SLC12A1: variants seen among roughly 807,000 people sequenced by gnomAD.
The protein encoded by SLC12A1 is Na-K-2Cl cotransporter.
Under a neutral mutation model 130.4 loss-of-function variants are expected in SLC12A1, and 89 were observed. The ratio of observed to expected loss-of-function variants is 0.68; its 90% CI spans 0.58 to 0.81. The LOEUF (loss-of-function observed/expected upper bound fraction) is 0.81. SLC12A1 is among the 40% of genes least tolerant of loss of function. The pLI is 0.00. For missense variants in SLC12A1, 1,310 were observed against 1,336.4 expected (o/e 0.98, Z 0.31); for synonymous variants, 499 against 460.0 (o/e 1.08, Z -1.09).
chr15:48,276,244 A>G (rs1235805103), intron 20 of SLC12A1, among the ~76,000 whole-genome samples: 1 of 152,178 alleles, frequency 6.6e-6, no homozygotes, highest in Non-Finnish European at 1.5e-5. Context: ...GGGAAATCCT[A>G]CGGGAAATGT....
intron 4 of SLC12A1, chr15:48,224,361 G>A (rs1001088683): frequency 1.3e-5 from 2 of 152,184 alleles, no homozygotes; most frequent in African/African-American, 4.8e-5. Flanking sequence ...AGATCAATAA[G>A]AGAAAAACAG....
At chr15:48,231,600 G>A (rs545122133) in intron 7 of SLC12A1, among the ~76,000 whole-genome samples, 2 of 152,066 alleles carry the variant, frequency 1.3e-5, no homozygotes, top group South Asian at 2.1e-4. Context: ...TTAAAATGAG[G>A]ATAATAATAT....
intron 24 of SLC12A1, among the ~76,000 whole-genome samples, chr15:48,298,270 T>C (rs1359816694): frequency 6.6e-6 from 1 of 152,252 alleles, no homozygotes; most frequent in African/African-American, 2.4e-5. Flanking sequence ...GAGATCATCT[T>C]AAAGTAGCAT....
Position 48,229,188 on chromosome 15 carries a change from G to C in SLC12A1, c.725-1G>C, listed in dbSNP as rs1373241944. The C allele has an allele frequency of 6.9e-6, 11 of 1,585,092 alleles. No homozygotes were observed. The highest frequency in any genetic ancestry group is 7.7e-6 in the Non-Finnish European group (9 of 1,164,404). On this transcript the variant is annotated splice_acceptor_variant, in intron 5 of 26. Coordinates refer to ENST00000380993, the MANE Select transcript of SLC12A1 (RefSeq NM_000338.3). LOFTEE classifies it high-confidence loss of function. ...TGAAGTATGTTCATTTCTTGTTTCAGGTGGGGCCTACTATCTTATTTCCAG... is the reference window on the plus strand; with the variant it reads ...TGAAGTATGTTCATTTCTTGTTTCACGTGGGGCCTACTATCTTATTTCCAG...
intron 19 of SLC12A1, among the ~76,000 whole-genome samples, chr15:48,270,537 T>G (rs1055563481): frequency 5.3e-5 from 8 of 150,022 alleles, no homozygotes; most frequent in South Asian, 2.1e-4. Flanking sequence ...AAATTCAAAG[T>G]TGAAACTCAT....
intron 2 of SLC12A1, among the ~76,000 whole-genome samples, chr15:48,209,528 T>C (rs1174575282): frequency 6.6e-6 from 1 of 152,230 alleles, no homozygotes; most frequent in Non-Finnish European, 1.5e-5. Context: ...CATATTCAAA[T>C]GAGTTTACTC....
intron 26 of SLC12A1, 120 bp downstream of exon 26, chr15:48,301,502 T>TTTGCGGG: frequency 2.3e-6 from 1 of 429,450 alleles, no homozygotes; most frequent in Non-Finnish European, 3.7e-6. Context: ...GTGTTTTTTT[T>TTTGCGGG]GGGGGGGGGA....
In SLC12A1 at chr15:48,260,379, CA is replaced by C. The variant is rs1369842146; in HGVS notation, c.2154+1069del. ...ACACACACACACACACACACACACA[CA>C]CACCACTGAAAATTCTCAGCTATCA... is the stretch of plus-strand genomic sequence containing the variant. On this transcript the variant is annotated intron_variant, in intron 17 of 26. Coordinates refer to ENST00000380993, the MANE Select transcript of SLC12A1 (RefSeq NM_000338.3). Among the ~76,000 whole-genome samples the C allele has an allele frequency of 1.0e-2, 1,507 of 151,180 alleles. 28 individuals carry two copies. The highest frequency in any genetic ancestry group is 0.035 in the African/African-American group (1,444 of 40,980).
intron 21 of SLC12A1, 97 bp from the exon 22 acceptor site, chr15:48,287,946 T>C (rs1337012298): frequency 1.2e-5 from 16 of 1,325,738 alleles, no homozygotes; most frequent in Non-Finnish European, 1.6e-5. Context: ...CATGAATCTG[T>C]GACCTTTTCT....
At chr15:48,210,123 G>A (rs894610053) in intron 2 of SLC12A1, among the ~76,000 whole-genome samples, 11 of 152,158 alleles carry the variant, frequency 7.2e-5, no homozygotes, top group Non-Finnish European at 1.3e-4. Flanking sequence ...AAAAGGAGAA[G>A]AGAAAGGAAA....
chr15:48,225,991 C>T (rs1219616665), intron 4 of SLC12A1: 1 of 589,346 alleles, frequency 1.7e-6, no homozygotes, highest in Non-Finnish European at 2.1e-6. Context: ...AAGGTAAAGG[C>T]AACACAGGCT....
chr15:48,255,170 T>C (rs1267746157), intron 15 of SLC12A1, among the ~76,000 whole-genome samples: 1 of 152,218 alleles, frequency 6.6e-6, no homozygotes, highest in Non-Finnish European at 1.5e-5. Context: ...CCAGGCGCGG[T>C]GGCTCACGCC....
rs11858596 is a variant in SLC12A1 at position 48,301,504 on chromosome 15, G to A, written c.3164+122G>A. On this transcript the variant is annotated intron_variant, in intron 26 of 26. Transcript: ENST00000380993. ...TTGTTTTGTTTTTGTGTTTTTTTTG[G>A]GGGGGGGAACACGTGGGATTCTTAG... 14 of 502,882 alleles carry A rather than the reference G, an allele frequency of 2.8e-5. 1 individual carries two copies. Among genetic ancestry groups the A allele is most frequent in the South Asian group, 1.1e-4 (4 of 37,082 alleles). The allele number at this position is 502,882 out of a possible 1,614,324, so 31.2% of individuals were successfully genotyped here. A position where few individuals can be genotyped will look rare whatever the true frequency, so the allele number is the denominator to read the frequency against.
chr15:48,235,027 C>T, intron 9 of SLC12A1, 23 bp downstream of exon 9: 1 of 1,612,648 alleles, frequency 6.2e-7, no homozygotes, highest in Non-Finnish European at 8.5e-7. Context: ...CTCTGCTTTG[C>T]AGTCCTGGGA....
In SLC12A1 at chr15:48,208,073, C is replaced by T. The variant is rs780165840; in HGVS notation, c.354C>T (p.Thr118=). The change falls in exon 2 of 27, where the codon ACC becomes ACT. Residue 118 remains threonine, a synonymous_variant. Coordinates refer to ENST00000380993, the MANE Select transcript of SLC12A1 (RefSeq NM_000338.3). ...CCAAGATAGAGTACTATCGTAACAC[C>T]GGCAGCATCAGTGGGCCCAAGGTCA... ...AVPKIEYYRN[T]GSISGPKVNR... is the part of the protein sequence containing the mutation. 25 of 1,613,150 alleles carry T rather than the reference C, an allele frequency of 1.5e-5. No individual in the cohort carries two copies. The Admixed American group carries it at 2.0e-4, about 13-fold the overall frequency.
intron 17 of SLC12A1, 65 bp from the exon 18 acceptor site, chr15:48,267,496 A>C: frequency 6.4e-7 from 1 of 1,573,380 alleles, no homozygotes; most frequent in South Asian, 1.1e-5. Flanking sequence ...TTTGTCCTTT[A>C]GAAAACAACA....
intron 15 of SLC12A1, among the ~76,000 whole-genome samples, chr15:48,253,025 A>G (rs2041665577): frequency 6.6e-6 from 1 of 152,144 alleles, no homozygotes; most frequent in Non-Finnish European, 1.5e-5. Flanking sequence ...TTGGGTGTTG[A>G]CTTTAGTACC....
At position 48,207,838 on chromosome 15, in the gene SLC12A1, C is replaced by G; in HGVS notation, c.119C>G (p.Thr40Ser). Residue 40 changes from threonine (T) to serine (S), a missense_variant, in exon 2 of 27, where the codon ACT becomes AGT. Physicochemically the swap from Thr to Ser is moderately conservative, Grantham distance 58. Transcript: ENST00000380993. ...AGCAGTGCAGCTGCAGATGACAATA[C>G]TGACCCACCACATTATGAAGAAACC... The part of the protein sequence containing the change: ...HESSAAADDN[T>S]DPPHYEETSF... 6.2e-7 allele frequency: 1 copy of G among 1,613,994 alleles called. No individual in the cohort carries two copies. Among genetic ancestry groups the G allele is most frequent in the South Asian group, 1.1e-5 (1 of 91,078 alleles).
chr15:48,268,997 A>G (rs183811599), intron 18 of SLC12A1, among the ~76,000 whole-genome samples: 1 of 152,318 alleles, frequency 6.6e-6, no homozygotes, highest in East Asian at 1.9e-4. Flanking sequence ...ATAAAAAGTG[A>G]AGTACAGGAG....
Sources: allele counts gnomAD v4.1 joint callset (sites outside exome capture counted in the v4.1 genomes callset), GRCh38; gene constraint gnomAD v4.1.1; transcripts MANE v1.5; gene names NCBI Gene and HGNC (gene_info 2026-07-23, HGNC 2026-07-21).